Variants in SAMSN1 observed in about 807,000 individuals in gnomAD.
SAMSN1 encodes SAM domain-containing protein SAMSN-1.
A neutral mutation model predicts 42.0 loss-of-function variants in SAMSN1; 31 were observed. The ratio of observed to expected loss-of-function variants is 0.74; its 90% CI spans 0.55 to 1.00. SAMSN1 has a LOEUF of 1.00. Among genes scored for constraint, SAMSN1 ranks in the 50% least tolerant of loss-of-function variants. SAMSN1 has a pLI of 0.00. For missense variants in SAMSN1, 464 were observed against 439.4 expected (o/e 1.06, Z -0.50); for synonymous variants, 178 against 151.9 (o/e 1.17, Z -1.26).
chr21:14,538,246 T>G (rs1980955), intron 1 of SAMSN1, among the ~76,000 whole-genome samples: 3 of 151,950 alleles, frequency 2.0e-5, no homozygotes, highest in African/African-American at 7.3e-5. Context: ...TTTTATATCA[T>G]GTATTTTATT....
intron 7 of SAMSN1, among the ~76,000 whole-genome samples, chr21:14,494,798 A>T (rs1986846556): frequency 6.6e-6 from 1 of 152,052 alleles, no homozygotes; most frequent in East Asian, 1.9e-4. Flanking sequence ...AGAAAAGGAA[A>T]AATTCTTGCT....
rs17306519 is a variant in SAMSN1 at position 14,580,974 on chromosome 21, G to A, written c.261+1162C>T. Among the ~76,000 whole-genome samples the A allele has an allele frequency of 9.4e-3, 1,432 of 152,202 alleles. 20 individuals carry two copies. The highest frequency in any genetic ancestry group is 0.048 in the South Asian group (230 of 4,830). ...ATTGAAAAAAAAGTACCACTCTTAA[G>A]TACTAGAAGATTTATAATATTTGAC... is the stretch of plus-strand genomic sequence containing the variant. On this transcript the variant is annotated intron_variant, in intron 2 of 8. Coordinates refer to the SAMSN1 transcript ENST00000285670.
intron 1 of SAMSN1, among the ~76,000 whole-genome samples, chr21:14,653,138 A>G (rs1983862435): frequency 6.6e-6 from 1 of 152,046 alleles, no homozygotes; most frequent in Admixed American, 6.6e-5. Flanking sequence ...AGGTTCCCCA[A>G]AAACAAAAAA....
At chr21:14,574,734 T>C (rs1487989908) in intron 2 of SAMSN1, among the ~76,000 whole-genome samples, 1 of 152,186 alleles carries the variant, frequency 6.6e-6, no homozygotes, top group East Asian at 1.9e-4. Flanking sequence ...TTATTTTTAT[T>C]GTAAAATGTT....
chr21:14,490,660 C>A (rs1316347649), intron 7 of SAMSN1, among the ~76,000 whole-genome samples: 1 of 152,150 alleles, frequency 6.6e-6, no homozygotes, highest in Admixed American at 6.5e-5. Flanking sequence ...TGAATACTAA[C>A]CCACCTTTTG....
chr21:14,615,532 C>T (rs1310677324), intron 3 of SAMSN1, among the ~76,000 whole-genome samples: 2 of 152,118 alleles, frequency 1.3e-5, no homozygotes, highest in Admixed American at 6.6e-5. Flanking sequence ...ATCCCATTAC[C>T]TTATGCAACA....
chr21:14,526,322 C>T (rs1055902869), intron 1 of SAMSN1, among the ~76,000 whole-genome samples: 1 of 152,050 alleles, frequency 6.6e-6, no homozygotes, highest in African/African-American at 2.4e-5. Flanking sequence ...AAATATGTGC[C>T]CTTGGATTGC....
chr21:14,574,160 A>T (rs1422284807), intron 2 of SAMSN1, among the ~76,000 whole-genome samples: 1 of 152,136 alleles, frequency 6.6e-6, no homozygotes, highest in African/African-American at 2.4e-5. Context: ...AAGGACATTT[A>T]GGTCTTTCAT....
intron 2 of SAMSN1, among the ~76,000 whole-genome samples, chr21:14,563,180 A>C (rs2123202830): frequency 6.6e-6 from 1 of 152,110 alleles, no homozygotes; most frequent in East Asian, 1.9e-4. Context: ...CTCCTGAGAC[A>C]CAACATGTCT....
intron 5 of SAMSN1, among the ~76,000 whole-genome samples, chr21:14,504,428 C>T (rs1291193293): frequency 6.6e-6 from 1 of 152,128 alleles, no homozygotes; most frequent in South Asian, 2.1e-4. Context: ...CTTCAGGAAA[C>T]AATGGACATG....
intron 1 of SAMSN1, among the ~76,000 whole-genome samples, chr21:14,532,402 G>A (rs1436238486): frequency 6.6e-6 from 1 of 152,192 alleles, no homozygotes; most frequent in Non-Finnish European, 1.5e-5. Flanking sequence ...ATCCCAAATA[G>A]AGGAAGAATG....
intron 2 of SAMSN1, among the ~76,000 whole-genome samples, chr21:14,563,475 T>G (rs886276256): frequency 6.6e-6 from 1 of 152,214 alleles, no homozygotes; most frequent in Non-Finnish European, 1.5e-5. Flanking sequence ...TCTTTGGTAT[T>G]TTTATGTAAA....
chr21:14,535,982 GCTCT>G (rs1483373565), intron 1 of SAMSN1, among the ~76,000 whole-genome samples: 1 of 152,136 alleles, frequency 6.6e-6, no homozygotes, highest in Non-Finnish European at 1.5e-5. Context: ...GTGACAAATG[GCTCT>G]CTCTATCTAT....
intron 2 of SAMSN1, among the ~76,000 whole-genome samples, chr21:14,568,617 T>C (rs1981194504): frequency 6.6e-6 from 1 of 152,160 alleles, no homozygotes; most frequent in South Asian, 2.1e-4. Context: ...GTACTATCCA[T>C]TTATTTTACA....
intron 1 of SAMSN1, among the ~76,000 whole-genome samples, chr21:14,539,750 A>G (rs190335847): frequency 6.6e-6 from 1 of 152,320 alleles, no homozygotes; most frequent in African/African-American, 2.4e-5. Context: ...TGCCATACCC[A>G]TCAAGCTACC....
chr21:14,639,393 G>A (rs958597195), intron 2 of SAMSN1, among the ~76,000 whole-genome samples: 14 of 152,060 alleles, frequency 9.2e-5, no homozygotes, highest in Admixed American at 7.2e-4. Context: ...GGGCAAAAGA[G>A]GGCAAAACAA....
chr21:14,568,349 T>C (rs1051826968), intron 2 of SAMSN1, among the ~76,000 whole-genome samples: 25 of 152,178 alleles, frequency 1.6e-4, no homozygotes, highest in African/African-American at 5.8e-4. Context: ...CTCTAATAAG[T>C]GTGCCACTGT....
chr21:14,511,797 T>G (rs982257832), intron 4 of SAMSN1, among the ~76,000 whole-genome samples: 3 of 152,230 alleles, frequency 2.0e-5, no homozygotes, highest in African/African-American at 7.2e-5. Context: ...AAAATATTAA[T>G]CTTCATTAGA....
At chr21:14,593,440 T>A (rs1006978641) in intron 7 of SAMSN1, among the ~76,000 whole-genome samples, 4 of 152,092 alleles carry the variant, frequency 2.6e-5, no homozygotes, top group African/African-American at 9.7e-5. Flanking sequence ...CTAAAACATG[T>A]CCTTTCCATG....
Sources: allele counts gnomAD v4.1 joint callset (sites outside exome capture counted in the v4.1 genomes callset), GRCh38; gene constraint gnomAD v4.1.1; transcripts MANE v1.5; gene names NCBI Gene and HGNC (gene_info 2026-07-23, HGNC 2026-07-21).